The following GPHN variants were observed in gnomAD, a reference collection of about 807,000 sequenced individuals.
GPHN encodes gephyrin.
Under a neutral mutation model 95.5 loss-of-function variants are expected in GPHN, and 17 were observed. The ratio of observed to expected loss-of-function variants is 0.18; its 90% CI spans 0.12 to 0.27. The LOEUF (loss-of-function observed/expected upper bound fraction) is 0.27. GPHN is among the 10% of genes least tolerant of loss of function. The pLI is 1.00. For synonymous variants in GPHN, 320 were observed against 322.5 expected (o/e 0.99, Z 0.08); for missense variants, 660 against 978.1 (o/e 0.67, Z 4.34).
the GPHN span, chr14:67,385,931 C>G: frequency 6.6e-6 from 1 of 152,168 alleles, no homozygotes; most frequent in Non-Finnish European, 1.5e-5. Flanking sequence ...TACTTTTACA[C>G]CAAGAACAAA....
At chr14:67,226,908 G>A in the GPHN span, among the ~76,000 whole-genome samples, 25 of 152,210 alleles carry the variant, frequency 1.6e-4, no homozygotes, top group African/African-American at 5.3e-4. Context: ...AGGGTGACAC[G>A]TGCTGGCTCC....
chr14:66,692,094 G>A (rs2067817636), intron 2 of GPHN, among the ~76,000 whole-genome samples: 2 of 152,070 alleles, frequency 1.3e-5, no homozygotes, highest in South Asian at 4.1e-4. Context: ...TTTTCTGTGG[G>A]TTTTGCAGAT....
chr14:66,956,857 C>A (rs945567009), intron 8 of GPHN, among the ~76,000 whole-genome samples: 9 of 150,338 alleles, frequency 6.0e-5, no homozygotes, highest in African/African-American at 2.2e-4. Context: ...AGTAAACTAT[C>A]GCAAGAACAA....
chr14:67,460,238 T>A, the GPHN span, among the ~76,000 whole-genome samples: 1 of 152,074 alleles, frequency 6.6e-6, no homozygotes, highest in South Asian at 2.1e-4. Context: ...TGTGGTGTCA[T>A]GGGAGGAGTC....
intron 7 of GPHN, among the ~76,000 whole-genome samples, chr14:66,923,425 C>T (rs1261875887): frequency 6.6e-6 from 1 of 152,056 alleles, no homozygotes; most frequent in Non-Finnish European, 1.5e-5. Context: ...ATAACTTATT[C>T]AAACATTGCT....
At chr14:67,381,207 C>T in the GPHN span, among the ~76,000 whole-genome samples, 5 of 152,182 alleles carry the variant, frequency 3.3e-5, no homozygotes, top group Non-Finnish European at 5.9e-5. Flanking sequence ...TAAACCTTAA[C>T]ATAAACCCGT....
chr14:67,129,301 T>A (rs149939786), intron 17 of GPHN, among the ~76,000 whole-genome samples: 76 of 152,264 alleles, frequency 5.0e-4, no homozygotes, highest in African/African-American at 1.7e-3. Context: ...AAGCAGCTCA[T>A]CTAAGGAATC....
intron 1 of GPHN, among the ~76,000 whole-genome samples, chr14:66,592,215 G>A (rs12998140): frequency 6.6e-6 from 1 of 152,080 alleles, no homozygotes; most frequent in Admixed American, 6.5e-5. Context: ...AGAAAACCTA[G>A]GCAATACCAT....
chr14:66,961,624 G>A (rs779940214), intron 8 of GPHN, among the ~76,000 whole-genome samples: 4 of 151,236 alleles, frequency 2.6e-5, no homozygotes, highest in Non-Finnish European at 3.0e-5. Context: ...GGGACTTCAC[G>A]AGAAAAAATC....
chr14:67,336,147 C>T, the GPHN span: 3 of 152,390 alleles, frequency 2.0e-5, no homozygotes, highest in African/African-American at 2.4e-5. Context: ...GATCTGAGGA[C>T]ACTGAGGCAG....
the GPHN span, among the ~76,000 whole-genome samples, chr14:67,192,913 GATAT>G: frequency 7.0e-6 from 1 of 142,480 alleles, no homozygotes; most frequent in Non-Finnish European, 1.5e-5. Flanking sequence ...GATATATATA[GATAT>G]ATATGTATAT....
At chr14:67,002,585 G>A (rs1233311955) in intron 9 of GPHN, among the ~76,000 whole-genome samples, 2 of 151,162 alleles carry the variant, frequency 1.3e-5, no homozygotes, top group African/African-American at 4.8e-5. Flanking sequence ...GGCTAGATTT[G>A]AATCCTAATC....
chr14:67,086,835 G>A (rs1404922359), intron 11 of GPHN, among the ~76,000 whole-genome samples: 6 of 150,954 alleles, frequency 4.0e-5, no homozygotes, highest in African/African-American at 1.2e-4. Flanking sequence ...TCAGGAGATC[G>A]AGACCATCCT....
chr14:67,323,445 T>C, the GPHN span, among the ~76,000 whole-genome samples: 1 of 151,362 alleles, frequency 6.6e-6, no homozygotes, highest in South Asian at 2.1e-4. Context: ...CGAGATCCTG[T>C]CTCTACAAAA....
At chr14:66,636,187 C>A (rs954945042) in intron 1 of GPHN, among the ~76,000 whole-genome samples, 1 of 152,000 alleles carries the variant, frequency 6.6e-6, no homozygotes, top group Non-Finnish European at 1.5e-5. Flanking sequence ...AATATTGGGA[C>A]CCCTTATTGG....
the GPHN span, among the ~76,000 whole-genome samples, chr14:67,303,221 G>A: frequency 1.3e-5 from 2 of 152,144 alleles, no homozygotes; most frequent in South Asian, 4.1e-4. Context: ...CATCTTTTGA[G>A]TGCAATTTAT....
chr14:67,719,670 G>A, the GPHN span, among the ~76,000 whole-genome samples: 4 of 151,940 alleles, frequency 2.6e-5, no homozygotes, highest in African/African-American at 9.7e-5. Context: ...TAGAGACGGG[G>A]TCTCACTATG....
chr14:66,688,209 A>G (rs929033045), intron 2 of GPHN, among the ~76,000 whole-genome samples: 2 of 152,232 alleles, frequency 1.3e-5, no homozygotes, highest in Non-Finnish European at 1.5e-5. Context: ...GTAGATCAAG[A>G]TATAAGTCTT....
chr14:66,525,245 A>C (rs2058639928), intron 1 of GPHN, among the ~76,000 whole-genome samples: 1 of 152,220 alleles, frequency 6.6e-6, no homozygotes, highest in Non-Finnish European at 1.5e-5. Context: ...TGTAATGACC[A>C]GTGATGATGA....
Sources: gnomAD v4.1 joint callset for allele counts (sites outside exome capture counted in the v4.1 genomes callset) on GRCh38, gnomAD v4.1.1 for gene constraint, MANE v1.5 for transcripts, NCBI Gene and HGNC (gene_info 2026-07-23, HGNC 2026-07-21) for gene names.